The following SHOX variants were observed in gnomAD, a reference collection of about 807,000 sequenced individuals.
SHOX encodes SHOX homeobox.
Under a neutral mutation model 29.6 loss-of-function variants are expected in SHOX, and 12 were observed. The ratio of observed to expected loss-of-function variants is 0.41; its 90% CI spans 0.26 to 0.66. The LOEUF is 0.66. SHOX is among the 30% of genes least tolerant of loss of function. SHOX has a pLI of 0.35. For synonymous variants in SHOX, 214 were observed against 200.6 expected, an observed-to-expected ratio of 1.07 and a Z score of -0.57; for missense variants, 499 against 437.7, an observed-to-expected ratio of 1.14 and a Z score of -1.25.
chrX:633,065 C>T (rs527282062), intron 1 of SHOX, among the ~76,000 whole-genome samples: 2 of 152,232 alleles, frequency 1.3e-5, no homozygotes, highest in Admixed American at 6.5e-5. Flanking sequence ...AGAGAGTCCC[C>T]GTTACATTTT....
At chrX:637,800 G>A (rs766039850) in intron 2 of SHOX, among the ~76,000 whole-genome samples, 8 of 152,254 alleles carry the variant, frequency 5.3e-5, no homozygotes, top group African/African-American at 1.9e-4. Context: ...AGTACAGCCC[G>A]TCCCGTGCTG....
chrX:650,853 G>C lies in SHOX; in HGVS notation c.*6217G>C, dbSNP rs1469884971. Among the ~76,000 whole-genome samples, 1 of 143,530 alleles carries C rather than the reference G, an allele frequency of 7.0e-6. No individual in the cohort carries two copies. The highest frequency in any genetic ancestry group is 2.6e-5 in the African/African-American group (1 of 38,938). The allele number at this position is 143,530 out of a possible 152,430, so 94.2% of individuals were successfully genotyped here. A position where few individuals can be genotyped will look rare whatever the true frequency, so the allele number is the denominator to read the frequency against. ...TAATTTATTAAAGAGAATTAGCTTA[G>C]CGAGTATATGCTGATATTCTTCGAC... On this transcript the variant is annotated 3_prime_UTR_variant, in exon 5 of 5. Transcript: ENST00000686671.
chrX:631,298 G>T, intron 1 of SHOX, 124 bp downstream of exon 1: 7 of 1,268,014 alleles, frequency 5.5e-6, no homozygotes, highest in South Asian at 1.2e-5. Context: ...CCAGGGTAAG[G>T]CCCGGGCCGT....
At chrX:639,936 C>T (rs2238844) in intron 2 of SHOX, among the ~76,000 whole-genome samples, 1 of 150,368 alleles carries the variant, frequency 6.7e-6, no homozygotes, top group Non-Finnish European at 1.5e-5. Context: ...GGGAGGTGGA[C>T]GTTGCAGTGA....
At chrX:654,789 A>G (rs2053114587), downstream of SHOX, among the ~76,000 whole-genome samples, 1 of 151,630 alleles carries the variant, frequency 6.6e-6, no homozygotes, top group African/African-American at 2.4e-5. Flanking sequence ...GGTTCAAGCG[A>G]TTTTCCTGCC....
upstream of SHOX, among the ~76,000 whole-genome samples, chrX:629,680 T>C (rs748190229): frequency 6.6e-6 from 1 of 152,258 alleles, no homozygotes; most frequent in South Asian, 2.1e-4. Flanking sequence ...GCTGTCATCC[T>C]GGGTCCCCAG....
At chrX:627,766 C>T (rs992261982), upstream of SHOX, among the ~76,000 whole-genome samples, 6 of 152,158 alleles carry the variant, frequency 3.9e-5, no homozygotes, top group African/African-American at 1.2e-4. Context: ...GTCCAGATTG[C>T]GGCCCAAGAA....
intron 3 of SHOX, 26 bp from the exon 4 acceptor site, chrX:640,973 C>G: frequency 6.2e-7 from 1 of 1,613,668 alleles, no homozygotes; most frequent in African/African-American, 1.3e-5. Flanking sequence ...GACCACCACA[C>G]TGACACCTGC....
intron 5 of SHOX, among the ~76,000 whole-genome samples, chrX:657,345 C>T (rs60077725): frequency 0.22 from 34,111 of 151,944 alleles, 4,513 homozygotes; most frequent in East Asian, 0.43. Flanking sequence ...AGCTTCCAGC[C>T]TCTGCATGGG....
chrX:652,763 A>G (rs1202029511), downstream of SHOX, among the ~76,000 whole-genome samples: 2 of 152,074 alleles, frequency 1.3e-5, no homozygotes, highest in Non-Finnish European at 2.9e-5. Flanking sequence ...CGTGGTCTGA[A>G]GCTCAGAGCC....
chrX:654,706 GAC>G (rs1410845802), downstream of SHOX, among the ~76,000 whole-genome samples: 2 of 152,062 alleles, frequency 1.3e-5, no homozygotes, highest in Non-Finnish European at 2.9e-5. Context: ...TTTTTTTTGA[GAC>G]AGAGTCTCGC....
chrX:643,791 G>C (rs2052910793), intron 4 of SHOX, among the ~76,000 whole-genome samples: 1 of 133,814 alleles, frequency 7.5e-6, no homozygotes, highest in Non-Finnish European at 1.6e-5. Context: ...GGAGAGGCTG[G>C]GGGACCTGGT....
chrX:648,204 G>A lies in SHOX; in HGVS notation c.*3568G>A, dbSNP rs2052989502. Among the ~76,000 whole-genome samples the A allele has an allele frequency of 1.0e-5, 1 of 96,882 alleles. No homozygotes were observed. Among genetic ancestry groups the A allele is most frequent in the Non-Finnish European group, 2.0e-5 (1 of 48,920 alleles). 63.6% of individuals were successfully genotyped at this position (96,882 alleles called of 152,430 possible). A position where few individuals can be genotyped will look rare whatever the true frequency, so the allele number is the denominator to read the frequency against. On this transcript the variant is annotated 3_prime_UTR_variant, in exon 5 of 5. Coordinates refer to ENST00000686671, the MANE Select transcript of SHOX (RefSeq NM_000451.4). ...GCCTCCCGAGTAGCTGGGATTACAG[G>A]CACCTGCCACCAGGCCTGGGTAACT...
At chrX:625,825 TTCTC>T (rs1367078632), upstream of SHOX, among the ~76,000 whole-genome samples, 3 of 140,254 alleles carry the variant, frequency 2.1e-5, no homozygotes, top group African/African-American at 5.4e-5. Flanking sequence ...CTGTCTCTCT[TTCTC>T]TCCTCTCTTT....
Position 634,834 on chromosome X carries a change from C to A in SHOX, c.486+8C>A, listed in dbSNP as rs374705909. On this transcript the variant is annotated splice_region_variant and intron_variant, in intron 2 of 4. Transcript: ENST00000686671. Reference sequence around the variant, plus strand: ...TCCGAGGCGCGCGTGCAGGTAGGAACCCGGGGGCGGGGGCGGGGGGCCCGG... The same window carrying A: ...TCCGAGGCGCGCGTGCAGGTAGGAAACCGGGGGCGGGGGCGGGGGGCCCGG... 3.2e-6 allele frequency: 5 copies of A among 1,555,706 alleles called. No individual in the cohort carries two copies. In the African/African-American group the frequency reaches 4.1e-5, roughly 13 times the overall value.
At chrX:634,535 C>A in intron 1 of SHOX, 83 bp from the exon 2 acceptor site, 1 of 1,467,092 alleles carries the variant, frequency 6.8e-7, no homozygotes, top group Non-Finnish European at 9.4e-7. Flanking sequence ...GGCCCCCTTT[C>A]CACCGCGGGA....
intron 1 of SHOX, among the ~76,000 whole-genome samples, chrX:624,844 TCTC>T: frequency 1.6e-5 from 2 of 127,522 alleles, no homozygotes; most frequent in African/African-American, 5.8e-5. Flanking sequence ...CCTTCCTTCC[TCTC>T]TTCCTCTTTC....
intron 5 of SHOX, among the ~76,000 whole-genome samples, chrX:656,755 A>G (rs1237303003): frequency 1.3e-5 from 2 of 151,704 alleles, no homozygotes. Flanking sequence ...AGGCAGGAGA[A>G]TGCCGTGAGC....
At position 644,649 on chromosome X, in the gene SHOX, C is replaced by G; in HGVS notation, c.*13C>G. 2 of 1,446,236 alleles carry G rather than the reference C, an allele frequency of 1.4e-6. No homozygotes were observed. The highest frequency in any genetic ancestry group is 1.8e-6 in the Non-Finnish European group (2 of 1,108,804). The allele number at this position is 1,446,236 out of a possible 1,614,324, so 89.6% of individuals were successfully genotyped here. On this transcript the variant is annotated 3_prime_UTR_variant, in exon 5 of 5. Coordinates refer to ENST00000686671, the MANE Select transcript of SHOX (RefSeq NM_000451.4). ...CCTGGGGCTCTGACCCGCCGCGCAG[C>G]CCCCCGCGCGCCCGGACTCCCGGGC...
Sources: allele counts gnomAD v4.1 joint callset (sites outside exome capture counted in the v4.1 genomes callset), GRCh38; gene constraint gnomAD v4.1.1; transcripts MANE v1.5; gene names NCBI Gene and HGNC (gene_info 2026-07-23, HGNC 2026-07-21).